Variants in NKTR observed in about 807,000 individuals in gnomAD.
NKTR encodes the protein NK-tumor recognition protein.
In NKTR, 67 loss-of-function variants were observed where a neutral mutation model predicts 156.3. That is an observed-to-expected ratio of 0.43 (90% CI 0.35 to 0.53). The LOEUF is 0.53. NKTR is among the 20% of genes least tolerant of loss of function. The pLI is 0.01. For missense variants in NKTR, 1,604 were observed against 1,730.9 expected, an observed-to-expected ratio of 0.93 and a Z score of 1.30; for synonymous variants, 640 against 596.6, an observed-to-expected ratio of 1.07 and a Z score of -1.06.
At chr3:42,608,710 A>G (rs1174578290) in intron 2 of NKTR, among the ~76,000 whole-genome samples, 1 of 152,222 alleles carries the variant, frequency 6.6e-6, no homozygotes, top group Non-Finnish European at 1.5e-5. Context: ...ACCTCTAACC[A>G]AGGCATGGTT....
At position 42,637,138 on chromosome 3, in the gene NKTR, T is replaced by C. The variant is rs200252853; in HGVS notation, c.1434T>C (p.Ser478=). ...CTTCCACTCGAAGAATGAAATCCTC[T>C]TGTGATAGAGAAAGGAGTTCTCGTT... ...SKSSTRRMKS[S]CDRERSSRSS... is the part of the protein sequence containing the mutation. The change falls in exon 13 of 17, where the codon TCT becomes TCC. Residue 478 remains serine (S), a synonymous_variant. Coordinates refer to ENST00000232978, the MANE Select transcript of NKTR (RefSeq NM_005385.4). 1.2e-6 allele frequency: 2 copies of C among 1,611,346 alleles called. No homozygotes were observed. Among genetic ancestry groups the C allele is most frequent in the Non-Finnish European group, 8.5e-7 (1 of 1,179,248 alleles).
At chr3:42,614,562 C>T (rs1707165515) in intron 2 of NKTR, among the ~76,000 whole-genome samples, 1 of 151,838 alleles carries the variant, frequency 6.6e-6, no homozygotes, top group Non-Finnish European at 1.5e-5. Context: ...TGTTGAAAAC[C>T]TGTTAATCTT....
At chr3:42,635,132 C>G in intron 11 of NKTR, 89 bp from the exon 12 acceptor site, 1 of 879,802 alleles carries the variant, frequency 1.1e-6, no homozygotes, top group Non-Finnish European at 1.7e-6. Flanking sequence ...ATGGGATGAT[C>G]TGAGATTGGG....
intron 13 of NKTR, among the ~76,000 whole-genome samples, chr3:42,640,640 G>A (rs565252600): frequency 2.0e-5 from 3 of 152,140 alleles, no homozygotes; most frequent in South Asian, 2.1e-4. Context: ...ATCTATACTC[G>A]GTCTCCCATT....
rs1553675106 is a variant in NKTR at position 42,647,267 on chromosome 3, A to AGTTGT, written c.*1294_*1295insTGTGT. The AGTTGT allele has an allele frequency of 9.7e-6, 1 of 102,974 alleles. No homozygotes were observed. Among genetic ancestry groups the AGTTGT allele is most frequent in the Admixed American group, 9.9e-5 (1 of 10,130 alleles). The allele number at this position is 102,974 out of a possible 1,614,324, so 6.4% of individuals were successfully genotyped here. On this transcript the variant is annotated 3_prime_UTR_variant, in exon 17 of 17. Coordinates refer to ENST00000232978, the MANE Select transcript of NKTR (RefSeq NM_005385.4). Reference sequence around the variant, plus strand: ...AAAAATAATTGGACCTGTAAAAACTAGTGTGTGTGTGTGTGTGTGTGTGTG... The same window carrying AGTTGT: ...AAAAATAATTGGACCTGTAAAAACTAGTTGTGTGTGTGTGTGTGTGTGTGTGTGTG...
chr3:42,626,029 C>T (rs1708349966), intron 6 of NKTR, among the ~76,000 whole-genome samples: 1 of 152,092 alleles, frequency 6.6e-6, no homozygotes, highest in East Asian at 1.9e-4. Context: ...TGTTGTCATT[C>T]TGTACAATTT....
chr3:42,619,790 TTTAC>T lies in NKTR; in HGVS notation c.286+86_286+89del. On this transcript the variant is annotated intron_variant, in intron 5 of 16. Coordinates refer to ENST00000232978, the MANE Select transcript of NKTR (RefSeq NM_005385.4). Reference sequence around the variant, plus strand: ...ATCATATACTTTTAATGAGAAGAGGTTTACTTATAGTTCACTTTTTGCATGAAAC... The same window carrying T: ...ATCATATACTTTTAATGAGAAGAGGTTTATAGTTCACTTTTTGCATGAAAC... 2.6e-6 allele frequency: 4 copies of T among 1,563,242 alleles called. No homozygotes were observed. The South Asian group carries it at 3.7e-5, about 14-fold the overall frequency.
At chr3:42,604,379 CT>C (rs34258304) in intron 2 of NKTR, among the ~76,000 whole-genome samples, 26,227 of 147,522 alleles carry the variant, frequency 0.18, 2,791 homozygotes, top group East Asian at 0.47. Context: ...GATTTGATAC[CT>C]TTTTTTTTTG....
chr3:42,643,247 C>T, intron 14 of NKTR, 92 bp from the exon 15 acceptor site: 9 of 980,394 alleles, frequency 9.2e-6, no homozygotes, highest in Non-Finnish European at 1.4e-5. Context: ...ACTGTATTTT[C>T]ACCTTGATGG....
intron 9 of NKTR, chr3:42,633,272 C>G (rs890935737): frequency 1.3e-6 from 1 of 793,436 alleles, no homozygotes; most frequent in Non-Finnish European, 1.6e-6. Context: ...TGACTCCTGT[C>G]CTCAAGCAAT....
In NKTR at chr3:42,643,975, C is replaced by T; in HGVS notation, c.4273C>T (p.Arg1425Ter). 2 of 1,613,934 alleles carry T rather than the reference C, an allele frequency of 1.2e-6. No homozygotes were observed. Among genetic ancestry groups the T allele is most frequent in the East Asian group, 2.2e-5 (1 of 44,876 alleles). ...SRSQRSDSYHRGRSYNRRSRS... is the reference protein window; with the variant it reads ...SRSQRSDSYH ...AAGCCAGAGAAGTGACAGTTACCAC[C>T]GAGGCAGAAGTTATAATCGGCGGTC... Residue 1425 changes from arginine (R) to a stop codon, truncating the protein, a stop_gained, in exon 16 of 17, where the codon CGA becomes TGA. Transcript: ENST00000232978. LOFTEE classifies it high-confidence loss of function.
At chr3:42,636,248 A>G (rs1435965026) in intron 12 of NKTR, among the ~76,000 whole-genome samples, 1 of 152,228 alleles carries the variant, frequency 6.6e-6, no homozygotes, top group Admixed American at 6.5e-5. Context: ...AAAGGAATGC[A>G]TCTGCTGTGT....
intron 2 of NKTR, chr3:42,603,048 A>G (rs1286610393): frequency 6.5e-6 from 1 of 152,744 alleles, no homozygotes. Flanking sequence ...AAAGAAAAGA[A>G]AAGAAAAATA....
intron 9 of NKTR, 183 bp downstream of exon 9, chr3:42,633,006 T>A: frequency 7.8e-7 from 1 of 1,284,092 alleles, no homozygotes; most frequent in South Asian, 3.0e-5. Flanking sequence ...TTTCAAAGAT[T>A]TGTGTGTTTT....
intron 5 of NKTR, chr3:42,620,236 C>G: frequency 1.6e-6 from 2 of 1,267,324 alleles, no homozygotes; most frequent in South Asian, 3.1e-5. Flanking sequence ...AATTTCACAT[C>G]AGAGAAAAGA....
chr3:42,634,853 T>A, intron 11 of NKTR, 153 bp downstream of exon 11: 1 of 563,088 alleles, frequency 1.8e-6, no homozygotes, highest in South Asian at 2.6e-5. Flanking sequence ...TGCTGTTAGA[T>A]CAAAGTATAC....
At position 42,630,538 on chromosome 3, in the gene NKTR, T is replaced by C. The variant is rs774530915; in HGVS notation, c.375-8T>C. 1 of 1,613,924 alleles carries C rather than the reference T, an allele frequency of 6.2e-7. No homozygotes were observed. Among genetic ancestry groups the C allele is most frequent in the African/African-American group, 1.3e-5 (1 of 75,036 alleles). On this transcript the variant is annotated splice_region_variant and splice_polypyrimidine_tract_variant and intron_variant, in intron 6 of 16. Coordinates refer to ENST00000232978, the MANE Select transcript of NKTR (RefSeq NM_005385.4). Reference sequence around the variant, plus strand: ...GACATCATCTTTGTGTTGATGTTTATTACATAGTACCACAAAGCCTGCTCC... The same window carrying C: ...GACATCATCTTTGTGTTGATGTTTACTACATAGTACCACAAAGCCTGCTCC...
chr3:42,639,180 A>G lies in NKTR; in HGVS notation c.3476A>G (p.Asn1159Ser). 1.2e-6 allele frequency: 2 copies of G among 1,614,102 alleles called. No homozygotes were observed. Among genetic ancestry groups the G allele is most frequent in the Non-Finnish European group, 1.7e-6 (2 of 1,180,004 alleles). Residue 1159 changes from asparagine to serine, a missense_variant, in exon 13 of 17, where the codon AAC becomes AGC. Around this residue, in one of 6 missense-constraint regions of NKTR, gnomAD observed 1,255 missense variants for 1,243.7 expected, o/e 1.01. Transcript: ENST00000232978. ...GNARLDTPDI[N>S]IVLKQDMATE... ...GCACGGCTTGATACCCCAGATATAA[A>G]CATTGTTTTGAAGCAGGATATGGCA... is the stretch of plus-strand genomic sequence containing the variant.
In NKTR at chr3:42,643,455, A is replaced by G; in HGVS notation, c.4199+60A>G. On this transcript the variant is annotated intron_variant, in intron 15 of 16. Transcript: ENST00000232978. Reference sequence around the variant, plus strand: ...AGAACTGAAAGATCTTGTTTTGTAAACTGTTTGTTCAAAGTGGTATTTTAT... The same window carrying G: ...AGAACTGAAAGATCTTGTTTTGTAAGCTGTTTGTTCAAAGTGGTATTTTAT... 2.9e-6 allele frequency: 4 copies of G among 1,375,370 alleles called. No individual in the cohort carries two copies. In the South Asian group the frequency reaches 3.5e-5, roughly 12 times the overall value. The allele number at this position is 1,375,370 out of a possible 1,614,324, so 85.2% of individuals were successfully genotyped here. A position where few individuals can be genotyped will look rare whatever the true frequency, so the allele number is the denominator to read the frequency against.
Sources: gnomAD v4.1 joint callset for allele counts (sites outside exome capture counted in the v4.1 genomes callset) on GRCh38, gnomAD v4.1.1 for gene constraint, gnomAD v4.1.1 regional missense constraint, MANE v1.5 for transcripts, NCBI Gene and HGNC (gene_info 2026-07-23, HGNC 2026-07-21) for gene names.